Variants in PRKAR2B observed in about 807,000 individuals in gnomAD.
The protein encoded by PRKAR2B is cAMP-dependent protein kinase type II-beta regulatory subunit.
PRKAR2B carries 14 observed loss-of-function variants against 49.9 expected under a neutral mutation model. That is an observed-to-expected ratio of 0.28 (90% CI 0.19 to 0.44). The LOEUF (loss-of-function observed/expected upper bound fraction) is 0.44, where lower values mean the gene tolerates loss of function less well. Among genes scored for constraint, PRKAR2B ranks in the 20% least tolerant of loss-of-function variants. The probability of loss-of-function intolerance (pLI) is 1.00; values close to 1 mark genes in which losing one functional copy is unlikely to be tolerated. For missense variants in PRKAR2B, 393 were observed against 537.9 expected (o/e 0.73, Z 2.67); for synonymous variants, 196 against 197.7 (o/e 0.99, Z 0.07).
chr7:107,074,824 A>G (rs1794364002), intron 2 of PRKAR2B, among the ~76,000 whole-genome samples: 1 of 152,070 alleles, frequency 6.6e-6, no homozygotes, highest in Non-Finnish European at 1.5e-5. Flanking sequence ...ATAAATAAAA[A>G]TTTAGTGGTG....
In PRKAR2B at chr7:107,070,223, A is replaced by G. The variant is rs952109955; in HGVS notation, c.308-58A>G. The G allele has an allele frequency of 5.1e-6, 7 of 1,364,582 alleles. No homozygotes were observed. In the African/African-American group the frequency reaches 8.7e-5, roughly 17 times the overall value. The allele number at this position is 1,364,582 out of a possible 1,614,324, so 84.5% of individuals were successfully genotyped here. On this transcript the variant is annotated intron_variant, in intron 1 of 10. Coordinates refer to ENST00000265717, the MANE Select transcript of PRKAR2B (RefSeq NM_002736.3). Reference sequence around the variant, plus strand: ...ATGGTTTACCAATTTGAGCCTTTTCAGGGTTTTGGGAAAATTAGACTTTTA... The same window carrying G: ...ATGGTTTACCAATTTGAGCCTTTTCGGGGTTTTGGGAAAATTAGACTTTTA...
At chr7:107,058,922 A>G (rs1793969352) in intron 1 of PRKAR2B, among the ~76,000 whole-genome samples, 1 of 152,220 alleles carries the variant, frequency 6.6e-6, no homozygotes, top group African/African-American at 2.4e-5. Context: ...CAGATAAATG[A>G]GGAACACTCA....
intron 8 of PRKAR2B, 62 bp from the exon 9 acceptor site, chr7:107,156,922 A>G: frequency 7.1e-7 from 1 of 1,407,388 alleles, no homozygotes; most frequent in Non-Finnish European, 1.0e-6. Context: ...TATGAAAGGT[A>G]ACAAGATTGT....
intron 5 of PRKAR2B, among the ~76,000 whole-genome samples, chr7:107,142,768 T>G (rs1166904757): frequency 2.6e-5 from 4 of 151,384 alleles, no homozygotes; most frequent in Non-Finnish European, 5.9e-5. Flanking sequence ...AGATTTTTTG[T>G]TTGTTTTTTT....
At position 107,104,310 on chromosome 7, in the gene PRKAR2B, C is replaced by A. The variant is rs534477040; in HGVS notation, c.344-17642C>A. On this transcript the variant is annotated intron_variant, in intron 2 of 10. Transcript: ENST00000265717. The stretch of plus-strand genomic sequence containing the variant: ...TCTGCCTCCCAAAGTGCTGGGATTA[C>A]AGGCATGAGCCACTATGCCTGCCCT... Among the ~76,000 whole-genome samples the A allele has an allele frequency of 2.6e-5, 4 of 152,334 alleles. No individual in the cohort carries two copies. In the East Asian group the frequency reaches 7.7e-4, roughly 29 times the overall value.
intron 2 of PRKAR2B, among the ~76,000 whole-genome samples, chr7:107,112,837 A>G (rs1437264502): frequency 1.3e-5 from 2 of 152,140 alleles, no homozygotes; most frequent in Non-Finnish European, 2.9e-5. Flanking sequence ...CTGTATCACA[A>G]TTTGCTTATA....
intron 2 of PRKAR2B, among the ~76,000 whole-genome samples, chr7:107,091,247 G>T (rs1383608659): frequency 5.9e-5 from 9 of 152,122 alleles, no homozygotes; most frequent in Non-Finnish European, 1.0e-4. Context: ...ATATGTGGTT[G>T]GTTGTGCTGT....
At chr7:107,155,560 A>G (rs896582599) in intron 8 of PRKAR2B, among the ~76,000 whole-genome samples, 4 of 152,118 alleles carry the variant, frequency 2.6e-5, no homozygotes, top group African/African-American at 9.7e-5. Context: ...AATAATTGCC[A>G]TTCTGACTGG....
At chr7:107,097,040 G>A (rs1794852986) in intron 2 of PRKAR2B, among the ~76,000 whole-genome samples, 1 of 152,184 alleles carries the variant, frequency 6.6e-6, no homozygotes, top group Admixed American at 6.5e-5. Flanking sequence ...TTGGTGCAGA[G>A]CTGAGTTCAA....
At chr7:107,067,407 A>T (rs1794173609) in intron 1 of PRKAR2B, 3 of 152,114 alleles carry the variant, frequency 2.0e-5, no homozygotes, top group African/African-American at 7.2e-5. Context: ...ATTTACCTTA[A>T]TTACTGCATA....
chr7:107,153,991 A>G (rs151271985), intron 8 of PRKAR2B, among the ~76,000 whole-genome samples: 227 of 152,320 alleles, frequency 1.5e-3, no homozygotes, highest in African/African-American at 5.2e-3. Flanking sequence ...AACAAGATTC[A>G]AGGTCTTTGA....
intron 6 of PRKAR2B, among the ~76,000 whole-genome samples, chr7:107,146,797 G>A (rs1043110041): frequency 3.9e-5 from 6 of 152,198 alleles, no homozygotes; most frequent in African/African-American, 1.4e-4. Context: ...GCTTTCTGAG[G>A]TAAGTATTAT....
At chr7:107,046,831 C>CATAT (rs113417055) in intron 1 of PRKAR2B, among the ~76,000 whole-genome samples, 23,957 of 149,132 alleles carry the variant, frequency 0.16, 3,889 homozygotes, top group African/African-American at 0.43. Context: ...TGGTAAAGAC[C>CATAT]ATATATATAT....
In PRKAR2B at chr7:107,108,211, A is replaced by G. The variant is rs541959564; in HGVS notation, c.344-13741A>G. Among the ~76,000 whole-genome samples, 27 of 152,298 alleles carry G rather than the reference A, an allele frequency of 1.8e-4. No individual in the cohort carries two copies. In the South Asian group the frequency reaches 4.8e-3, roughly 27 times the overall value. On this transcript the variant is annotated intron_variant, in intron 2 of 10. Coordinates refer to ENST00000265717, the MANE Select transcript of PRKAR2B (RefSeq NM_002736.3). ...CTAACACAGTTGGGGCCACTGGACA[A>G]CGTGACTCTGGCATCCCAAAGTTAG...
chr7:107,057,384 C>G (rs1293734854), intron 1 of PRKAR2B, among the ~76,000 whole-genome samples: 1 of 151,598 alleles, frequency 6.6e-6, no homozygotes, highest in Non-Finnish European at 1.5e-5. Flanking sequence ...TCCCACTCCA[C>G]TAATTTTCAT....
chr7:107,111,940 G>A (rs1236935179), intron 2 of PRKAR2B, among the ~76,000 whole-genome samples: 1 of 145,374 alleles, frequency 6.9e-6, no homozygotes, highest in African/African-American at 2.5e-5. Context: ...GTCAAGGCAG[G>A]AGGATTGCTT....
At chr7:107,082,506 C>T (rs1794531815) in intron 2 of PRKAR2B, among the ~76,000 whole-genome samples, 1 of 152,064 alleles carries the variant, frequency 6.6e-6, no homozygotes, top group Non-Finnish European at 1.5e-5. Context: ...ATTTTATTGA[C>T]TAATAAATAA....
intron 2 of PRKAR2B, among the ~76,000 whole-genome samples, chr7:107,107,224 C>G (rs1795088498): frequency 6.6e-6 from 1 of 152,012 alleles, no homozygotes. Flanking sequence ...GTAATCCCAG[C>G]TACTCGGGAG....
intron 1 of PRKAR2B, among the ~76,000 whole-genome samples, chr7:107,057,780 A>G (rs1020855116): frequency 5.9e-5 from 9 of 152,186 alleles, no homozygotes; most frequent in African/African-American, 9.6e-5. Flanking sequence ...AAAAAACACA[A>G]CAAAACCAAA....
Sources: gnomAD v4.1 joint callset for allele counts (sites outside exome capture counted in the v4.1 genomes callset) on GRCh38, gnomAD v4.1.1 for gene constraint, MANE v1.5 for transcripts, NCBI Gene and HGNC (gene_info 2026-07-23, HGNC 2026-07-21) for gene names.